RBM19: variants seen among roughly 807,000 people sequenced by gnomAD.
The protein encoded by RBM19 is RNA binding motif protein 19, also known as probable RNA-binding protein 19.
Under a neutral mutation model 116.8 loss-of-function variants are expected in RBM19, and 94 were observed. That is an observed-to-expected ratio of 0.80 (90% confidence interval 0.68 to 0.95). The LOEUF (loss-of-function observed/expected upper bound fraction) is 0.95. RBM19 is among the 40% of genes least tolerant of loss of function. RBM19 has a pLI of 0.00. For synonymous variants in RBM19, 475 were observed against 494.1 expected, an observed-to-expected ratio of 0.96 and a Z score of 0.51; for missense variants, 1,161 against 1,220.7, an observed-to-expected ratio of 0.95 and a Z score of 0.73.
At chr12:113,947,509 T>C (rs1871134175) in intron 10 of RBM19, 45 bp from the exon 11 acceptor site, 11 of 1,553,086 alleles carry the variant, frequency 7.1e-6, no homozygotes, top group Non-Finnish European at 9.7e-6. Flanking sequence ...CGCAGCCACT[T>C]GGCCCCAGGG....
intron 21 of RBM19, among the ~76,000 whole-genome samples, chr12:113,880,310 G>T (rs898467024): frequency 3.9e-5 from 6 of 152,056 alleles, no homozygotes; most frequent in African/African-American, 1.4e-4. Context: ...TGTTTGCTGT[G>T]GTTGGTCTCT....
intron 21 of RBM19, among the ~76,000 whole-genome samples, chr12:113,885,563 G>C (rs892755108): frequency 2.0e-5 from 3 of 152,108 alleles, no homozygotes; most frequent in Non-Finnish European, 2.9e-5. Context: ...ATTGTCTCTA[G>C]GTTAATTTCC....
At chr12:113,914,377 G>A (rs1386724002) in intron 21 of RBM19, among the ~76,000 whole-genome samples, 1 of 152,202 alleles carries the variant, frequency 6.6e-6, no homozygotes, top group Non-Finnish European at 1.5e-5. Flanking sequence ...TGCTTTATGT[G>A]TGCAGGTAAT....
At chr12:113,867,758 T>C (rs887638076) in intron 21 of RBM19, among the ~76,000 whole-genome samples, 1 of 152,006 alleles carries the variant, frequency 6.6e-6, no homozygotes, top group Non-Finnish European at 1.5e-5. Context: ...CCATTTCTAC[T>C]AAAAACACAA....
intron 21 of RBM19, among the ~76,000 whole-genome samples, chr12:113,884,851 A>G (rs542959715): frequency 6.6e-6 from 1 of 152,344 alleles, no homozygotes; most frequent in African/African-American, 2.4e-5. Flanking sequence ...AATTTGCAAA[A>G]CAAAATAAAT....
chr12:113,949,786 TC>T (rs1473955733), intron 9 of RBM19, among the ~76,000 whole-genome samples: 2 of 152,142 alleles, frequency 1.3e-5, no homozygotes, highest in East Asian at 3.9e-4. Context: ...AAGCCAAGCC[TC>T]CTCCAATCCC....
chr12:113,882,737 C>T (rs1005382334), intron 21 of RBM19, among the ~76,000 whole-genome samples: 2 of 152,210 alleles, frequency 1.3e-5, no homozygotes, highest in African/African-American at 4.8e-5. Context: ...AGCCCCTCCC[C>T]AGCCACCCAA....
At chr12:113,821,281 C>G (rs1874397271), downstream of RBM19, among the ~76,000 whole-genome samples, 1 of 152,116 alleles carries the variant, frequency 6.6e-6, no homozygotes, top group South Asian at 2.1e-4. Context: ...AAGATGCCTG[C>G]CTCTGCACCA....
At chr12:113,861,308 G>T (rs186696870) in intron 21 of RBM19, among the ~76,000 whole-genome samples, 1 of 152,166 alleles carries the variant, frequency 6.6e-6, no homozygotes, top group Non-Finnish European at 1.5e-5. Context: ...ACTCCCAGGG[G>T]TCCAGTGACT....
intron 16 of RBM19, among the ~76,000 whole-genome samples, chr12:113,932,052 G>A (rs1022618621): frequency 2.6e-5 from 4 of 152,222 alleles, no homozygotes; most frequent in South Asian, 2.1e-4. Flanking sequence ...CACTCAGCAT[G>A]TGCCTAGAAC....
chr12:113,943,162 C>G (rs1237434800), intron 13 of RBM19, among the ~76,000 whole-genome samples: 2 of 152,220 alleles, frequency 1.3e-5, no homozygotes, highest in African/African-American at 2.4e-5. Context: ...CCTATCCCTC[C>G]CTTGGCTTTT....
intron 23 of RBM19, among the ~76,000 whole-genome samples, chr12:113,840,513 G>A (rs1224964102): frequency 6.6e-6 from 1 of 152,240 alleles, no homozygotes; most frequent in East Asian, 1.9e-4. Context: ...TTCTCTGTCT[G>A]GTCCCTCCAC....
chr12:113,837,477 A>G (rs375360867), intron 23 of RBM19, among the ~76,000 whole-genome samples: 2 of 152,204 alleles, frequency 1.3e-5, no homozygotes, highest in Non-Finnish European at 1.5e-5. Context: ...ACTGCACGTG[A>G]TGTGCCAGGA....
chr12:113,961,583 A>G (rs558729329), intron 2 of RBM19, among the ~76,000 whole-genome samples: 15 of 152,328 alleles, frequency 9.8e-5, no homozygotes, highest in African/African-American at 3.6e-4. Context: ...AGACATATAT[A>G]TATTTATCCA....
chr12:113,960,328 G>A, intron 2 of RBM19, 150 bp from the exon 3 acceptor site: 2 of 996,896 alleles, frequency 2.0e-6, no homozygotes, highest in Non-Finnish European at 2.9e-6. Flanking sequence ...CCTTAGCCTG[G>A]GCTTTCTTTC....
At chr12:113,832,195 CTTT>C (rs11410268) in intron 23 of RBM19, among the ~76,000 whole-genome samples, 3 of 145,254 alleles carry the variant, frequency 2.1e-5, no homozygotes, top group African/African-American at 2.5e-5. Context: ...TTTCTTTTTT[CTTT>C]TTTTTTTTTT....
In RBM19 at chr12:113,879,446, T is replaced by TATATATATATATATACATAC. The variant is rs893952657; in HGVS notation, c.2559-20551_2559-20550insGTATGTATATATATATATAT. On this transcript the variant is annotated intron_variant, in intron 21 of 23. Coordinates refer to ENST00000261741, the MANE Select transcript of RBM19 (RefSeq NM_016196.4). ...TACATACATTTTATATATATATATA[T>TATATATATATATATACATAC]ATATGGACTTTTCTTTTTTTAAGGG... Among the ~76,000 whole-genome samples the TATATATATATATATACATAC allele has an allele frequency of 1.6e-4, 23 of 142,252 alleles. 1 individual carries two copies. The highest frequency in any genetic ancestry group is 1.6e-3 in the Admixed American group (21 of 13,516). 93.3% of individuals were successfully genotyped at this position (142,252 alleles called of 152,430 possible).
In RBM19 at chr12:113,823,105, G is replaced by T; in HGVS notation, c.*119C>A. ...CTCCTCCGACCTTGGACCAGTGCAG[G>T]GTGGGGCCGCCTGCCGCTCCCCGCC... On this transcript the variant is annotated 3_prime_UTR_variant, in exon 24 of 24. Coordinates refer to ENST00000261741, the MANE Select transcript of RBM19 (RefSeq NM_016196.4). 1 of 892,002 alleles carries T rather than the reference G, an allele frequency of 1.1e-6. No individual in the cohort carries two copies. The highest frequency in any genetic ancestry group is 1.7e-6 in the Non-Finnish European group (1 of 585,652). 55.3% of individuals were successfully genotyped at this position (892,002 alleles called of 1,614,324 possible).
intron 1 of RBM19, 69 bp downstream of exon 1, chr12:113,966,123 A>G: frequency 6.2e-7 from 1 of 1,601,950 alleles, no homozygotes; most frequent in African/African-American, 1.3e-5. Context: ...ACCTCCAGGC[A>G]TCTCTTCCCT....
Sources: allele counts gnomAD v4.1 joint callset (sites outside exome capture counted in the v4.1 genomes callset), GRCh38; gene constraint gnomAD v4.1.1; transcripts MANE v1.5; gene names NCBI Gene and HGNC (gene_info 2026-07-23, HGNC 2026-07-21).